Variants in MEIS2 observed in about 807,000 individuals in gnomAD.
MEIS2 encodes Meis homeobox 2.
In MEIS2, 9 loss-of-function variants were observed where a neutral mutation model predicts 58.6. The observed-to-expected ratio is 0.15, with a 90% CI of 0.09 to 0.27. MEIS2 has a LOEUF of 0.27. Among genes scored for constraint, MEIS2 ranks in the 10% least tolerant of loss-of-function variants. The probability of loss-of-function intolerance (pLI) is 1.00; values close to 1 mark genes in which losing one functional copy is unlikely to be tolerated. For synonymous variants in MEIS2, 221 were observed against 228.4 expected, an observed-to-expected ratio of 0.97 and a Z score of 0.29; for missense variants, 427 against 635.0, an observed-to-expected ratio of 0.67 and a Z score of 3.52.
intron 8 of MEIS2, among the ~76,000 whole-genome samples, chr15:37,025,165 GGAGCTATGACA>G (rs2141689075): frequency 6.6e-6 from 1 of 152,276 alleles, no homozygotes; most frequent in African/African-American, 2.4e-5. Flanking sequence ...CAGGTTTCAT[GGAGCTATGACA>G]GAGCAAACTA....
In MEIS2 at chr15:37,047,710, C is replaced by A. The variant is rs531529860; in HGVS notation, c.755-10751G>T. Among the ~76,000 whole-genome samples the A allele has an allele frequency of 2.6e-5, 4 of 152,262 alleles. No individual in the cohort carries two copies. In the South Asian group the frequency reaches 8.3e-4, roughly 32 times the overall value. On this transcript the variant is annotated intron_variant, in intron 7 of 11. Coordinates refer to ENST00000561208, the MANE Select transcript of MEIS2 (RefSeq NM_170675.5). ...GTTGTTATGATATATGAGTCTCATT[C>A]TCACATCTCCTACAGAAGAAAAAAG...
At chr15:37,078,617 A>AAAAAAAAAAAAAAAAAAC (rs1891765779) in intron 7 of MEIS2, among the ~76,000 whole-genome samples, 1 of 149,424 alleles carries the variant, frequency 6.7e-6, no homozygotes, top group African/African-American at 2.4e-5. Context: ...AAAAAAAAAA[A>AAAAAAAAAAAAAAAAAAC]AAAAAAAAAA....
At chr15:37,098,233 G>T in intron 1 of MEIS2, 34 bp from the exon 2 acceptor site, 2 of 1,546,838 alleles carry the variant, frequency 1.3e-6, no homozygotes, top group South Asian at 2.5e-5. Flanking sequence ...GGGGGCGCAG[G>T]AGGTGAGGGA....
At chr15:37,003,008 G>A (rs894916845) in intron 8 of MEIS2, among the ~76,000 whole-genome samples, 1 of 152,090 alleles carries the variant, frequency 6.6e-6, no homozygotes, top group Non-Finnish European at 1.5e-5. Context: ...GTCTCCTGGA[G>A]GGCTCACTTA....
At chr15:36,961,096 C>G (rs947984282) in intron 8 of MEIS2, among the ~76,000 whole-genome samples, 1 of 152,018 alleles carries the variant, frequency 6.6e-6, no homozygotes, top group Non-Finnish European at 1.5e-5. Flanking sequence ...GGTACTGCCA[C>G]AACATTGTCT....
chr15:36,909,793 G>A (rs1046076992), intron 9 of MEIS2, among the ~76,000 whole-genome samples: 3 of 141,092 alleles, frequency 2.1e-5, no homozygotes, highest in African/African-American at 7.8e-5. Flanking sequence ...TGGGGCAGTT[G>A]ACTCAAGTGG....
At chr15:37,023,001 G>A (rs1027724377) in intron 8 of MEIS2, among the ~76,000 whole-genome samples, 2 of 152,064 alleles carry the variant, frequency 1.3e-5, no homozygotes, top group Non-Finnish European at 2.9e-5. Flanking sequence ...TTATTTATTA[G>A]GGACACTAAT....
rs1044137415 is a variant in MEIS2, at chr15:37,093,878, G to T, written c.490-148C>A. On this transcript the variant is annotated intron_variant, in intron 5 of 11. Transcript: ENST00000561208. ...TCTTCCAAACTAACTCTAATTAAAGGGTGTAATAGTTGAAGGCAAGGAAAC... is the reference window on the plus strand; with the variant it reads ...TCTTCCAAACTAACTCTAATTAAAGTGTGTAATAGTTGAAGGCAAGGAAAC... 4.2e-6 allele frequency: 4 copies of T among 961,606 alleles called. No homozygotes were observed. In the African/African-American group the frequency reaches 6.6e-5, roughly 16 times the overall value. The allele number at this position is 961,606 out of a possible 1,614,324, so 59.6% of individuals were successfully genotyped here.
intron 6 of MEIS2, among the ~76,000 whole-genome samples, chr15:37,092,213 C>T (rs1011646333): frequency 3.9e-5 from 6 of 152,210 alleles, no homozygotes; most frequent in Admixed American, 1.3e-4. Flanking sequence ...TCCCAGACTG[C>T]GGTTTTCTTT....
intron 9 of MEIS2, among the ~76,000 whole-genome samples, chr15:36,929,478 T>C (rs1209256466): frequency 1.3e-5 from 2 of 152,246 alleles, no homozygotes; most frequent in Admixed American, 6.5e-5. Context: ...TACGAGAGTA[T>C]TGTGTAGGCT....
chr15:36,894,824 A>T (rs1397691761), intron 11 of MEIS2: 1 of 1,598,162 alleles, frequency 6.3e-7, no homozygotes, highest in Non-Finnish European at 8.6e-7. Context: ...TAGAAAGGAG[A>T]TAAAATCCAA....
At chr15:37,001,807 A>C (rs926583266) in intron 8 of MEIS2, among the ~76,000 whole-genome samples, 2 of 152,220 alleles carry the variant, frequency 1.3e-5, no homozygotes, top group Admixed American at 6.5e-5. Context: ...AATAGTTTAT[A>C]GAATAAGAGG....
rs148506238 is a variant in MEIS2, at chr15:37,046,482, C to A, written c.755-9523G>T. On this transcript the variant is annotated intron_variant, in intron 7 of 11. Coordinates refer to ENST00000561208, the MANE Select transcript of MEIS2 (RefSeq NM_170675.5). ...TGGGTGAAAAAAAAAATTCAGACTGCAGCTTGGATGAAAACCACTTCACCC... is the reference window on the plus strand; with the variant it reads ...TGGGTGAAAAAAAAAATTCAGACTGAAGCTTGGATGAAAACCACTTCACCC... 2.6e-3 allele frequency among the ~76,000 whole-genome samples: 392 copies of A among 152,168 alleles called. 3 individuals carry two copies. The highest frequency in any genetic ancestry group is 9.1e-3 in the African/African-American group (379 of 41,482).
chr15:36,925,312 C>T (rs1259733650), intron 9 of MEIS2, among the ~76,000 whole-genome samples: 1 of 152,272 alleles, frequency 6.6e-6, no homozygotes, highest in African/African-American at 2.4e-5. Flanking sequence ...TGGGCAACGT[C>T]CTTACGAAGA....
At chr15:37,000,519 C>A (rs1595899194) in intron 8 of MEIS2, among the ~76,000 whole-genome samples, 1 of 152,142 alleles carries the variant, frequency 6.6e-6, no homozygotes, top group Non-Finnish European at 1.5e-5. Flanking sequence ...TGAAGATGAT[C>A]TTACTACTTA....
At chr15:37,004,907 G>T (rs1043968123) in intron 8 of MEIS2, among the ~76,000 whole-genome samples, 1 of 150,948 alleles carries the variant, frequency 6.6e-6, no homozygotes. Context: ...ATCCTGATTT[G>T]ATCCTAACAC....
At chr15:37,021,421 C>A (rs56237377) in intron 8 of MEIS2, among the ~76,000 whole-genome samples, 2,135 of 152,328 alleles carry the variant, frequency 0.014, 57 homozygotes, top group African/African-American at 0.048. Context: ...GAAAGTTCTC[C>A]ATCCCATGGC....
chr15:36,909,582 G>A (rs1333471286), intron 9 of MEIS2, among the ~76,000 whole-genome samples: 1 of 152,084 alleles, frequency 6.6e-6, no homozygotes, highest in Non-Finnish European at 1.5e-5. Context: ...AGGCTTTCTG[G>A]CACTGGTCTA....
chr15:36,963,189 A>C (rs2059243817), intron 8 of MEIS2, among the ~76,000 whole-genome samples: 1 of 152,126 alleles, frequency 6.6e-6, no homozygotes, highest in African/African-American at 2.4e-5. Context: ...AGCCTGGCCA[A>C]CATGGTGAAA....
Sources: allele counts gnomAD v4.1 joint callset (sites outside exome capture counted in the v4.1 genomes callset), GRCh38; gene constraint gnomAD v4.1.1; transcripts MANE v1.5; gene names NCBI Gene and HGNC (gene_info 2026-07-23, HGNC 2026-07-21).